The following TBC1D23 variants were observed in gnomAD, a reference collection of about 807,000 sequenced individuals.
TBC1D23 encodes the protein TBC1 domain family member 23, also known as HCV non-structural protein 4A-transactivated protein 1.
In TBC1D23, 55 loss-of-function variants were observed where a neutral mutation model predicts 91.4. The ratio of observed to expected loss-of-function variants is 0.60; its 90% CI spans 0.48 to 0.75. The LOEUF is 0.75. Ranked by LOEUF, TBC1D23 falls within the 30% of genes least tolerant of loss-of-function variation. The probability of loss-of-function intolerance (pLI) is 0.00; values close to 1 mark genes in which losing one functional copy is unlikely to be tolerated. For missense variants in TBC1D23, 725 were observed against 836.1 expected, an observed-to-expected ratio of 0.87 and a Z score of 1.64; for synonymous variants, 289 against 281.0, an observed-to-expected ratio of 1.03 and a Z score of -0.28.
chr3:100,270,228 G>A (rs965947705), intron 1 of TBC1D23, among the ~76,000 whole-genome samples: 2 of 152,126 alleles, frequency 1.3e-5, no homozygotes, highest in East Asian at 1.9e-4. Flanking sequence ...CAATACATAC[G>A]TGTTGAAGGT....
intron 1 of TBC1D23, among the ~76,000 whole-genome samples, chr3:100,272,296 G>T (rs552683226): frequency 6.6e-6 from 1 of 152,274 alleles, no homozygotes; most frequent in Non-Finnish European, 1.5e-5. Flanking sequence ...ATTCTGTAAA[G>T]TATCCTTTCT....
chr3:100,272,942 A>AT (rs1247530866), intron 1 of TBC1D23, among the ~76,000 whole-genome samples: 1 of 152,116 alleles, frequency 6.6e-6, no homozygotes. Flanking sequence ...GAGACATTCC[A>AT]TTGCCCAGGG....
intron 7 of TBC1D23, 88 bp downstream of exon 7, chr3:100,295,436 T>G (rs970270580): frequency 1.8e-6 from 2 of 1,089,970 alleles, no homozygotes; most frequent in Non-Finnish European, 2.6e-6. Context: ...TTTAGGAGAT[T>G]AGTCTAGAAG....
At chr3:100,317,630 G>C (rs1332787619) in intron 16 of TBC1D23, among the ~76,000 whole-genome samples, 6 of 152,100 alleles carry the variant, frequency 3.9e-5, no homozygotes, top group African/African-American at 1.4e-4. Flanking sequence ...TTGCAGAGAG[G>C]TAAATGTGAT....
intron 17 of TBC1D23, among the ~76,000 whole-genome samples, chr3:100,319,794 TAC>T (rs1443209243): frequency 6.6e-6 from 1 of 152,078 alleles, no homozygotes; most frequent in East Asian, 1.9e-4. Flanking sequence ...TATATATATA[TAC>T]ATATGCATGT....
At chr3:100,289,296 T>A (rs2067770097) in intron 4 of TBC1D23, among the ~76,000 whole-genome samples, 1 of 152,166 alleles carries the variant, frequency 6.6e-6, no homozygotes, top group Admixed American at 6.6e-5. Flanking sequence ...ATATCTGGTA[T>A]CTTTTAAGAG....
At chr3:100,311,211 T>C (rs1705619033) in intron 14 of TBC1D23, among the ~76,000 whole-genome samples, 1 of 152,212 alleles carries the variant, frequency 6.6e-6, no homozygotes, top group African/African-American at 2.4e-5. Flanking sequence ...AAGCCTCATA[T>C]TGGAAATGTG....
chr3:100,268,676 T>A (rs1422095039), intron 1 of TBC1D23, among the ~76,000 whole-genome samples: 3 of 152,224 alleles, frequency 2.0e-5, no homozygotes, highest in Non-Finnish European at 4.4e-5. Flanking sequence ...AGGCAAAAGT[T>A]ACACTCTGTT....
intron 4 of TBC1D23, among the ~76,000 whole-genome samples, chr3:100,289,497 A>G (rs2067771782): frequency 1.3e-5 from 2 of 152,154 alleles, no homozygotes; most frequent in African/African-American, 4.8e-5. Flanking sequence ...AGAGGAAGTA[A>G]CTATACTTCC....
intron 13 of TBC1D23, among the ~76,000 whole-genome samples, chr3:100,309,129 G>A (rs968952820): frequency 4.6e-5 from 7 of 152,038 alleles, no homozygotes; most frequent in African/African-American, 1.2e-4. Flanking sequence ...AGCCAAGATC[G>A]CACCACTGCA....
In TBC1D23 at chr3:100,283,623, AGAG is replaced by A. The variant is rs1265143999; in HGVS notation, c.292_294del (p.Glu98del). ...ATTTTCTAGACCAGCTTTCAGTGCC[AGAG>A]GAGAAGGCAGCAGAATTACTTTTGG... is the stretch of plus-strand genomic sequence containing the variant. On this transcript the variant is annotated inframe_deletion, in exon 4 of 19. Coordinates refer to ENST00000394144, the MANE Select transcript of TBC1D23 (RefSeq NM_001199198.3). 1.2e-6 allele frequency: 2 copies of A among 1,613,688 alleles called. No homozygotes were observed. Among genetic ancestry groups the A allele is most frequent in the Non-Finnish European group, 1.7e-6 (2 of 1,179,770 alleles).
At chr3:100,318,044 G>A (rs999436979) in intron 16 of TBC1D23, among the ~76,000 whole-genome samples, 1 of 151,840 alleles carries the variant, frequency 6.6e-6, no homozygotes, top group Admixed American at 6.6e-5. Context: ...AGACATGTAT[G>A]GAACTGATAA....
At chr3:100,267,191 T>C in intron 1 of TBC1D23, 1 of 440,192 alleles carries the variant, frequency 2.3e-6, no homozygotes, top group Non-Finnish European at 4.5e-6. Context: ...ATTAAACAGT[T>C]TGAAAAGGGG....
Position 100,296,172 on chromosome 3 carries a change from A to G in TBC1D23, c.773A>G (p.Lys258Arg). Reference protein sequence around the residue: ...QESDSKEEVIKFLENTPSSLN... With the variant: ...QESDSKEEVIRFLENTPSSLN... ...AAATATTATGTCTATAATATTTCAG[A>G]GTTCTTGGAAAATACTCCATCCAGT... The change falls in exon 8 of 19, where the codon AAG (lysine) becomes AGG (arginine). Residue 258 changes from lysine (K) to arginine (R), a missense_variant and splice_region_variant. Transcript: ENST00000394144. The G allele has an allele frequency of 1.3e-6, 2 of 1,522,684 alleles. No individual in the cohort carries two copies. The highest frequency in any genetic ancestry group is 1.8e-6 in the Non-Finnish European group (2 of 1,117,304). The allele number at this position is 1,522,684 out of a possible 1,614,324, so 94.3% of individuals were successfully genotyped here. A position where few individuals can be genotyped will look rare whatever the true frequency, so the allele number is the denominator to read the frequency against.
At chr3:100,309,716 G>A (rs192227816) in intron 13 of TBC1D23, among the ~76,000 whole-genome samples, 86 of 145,434 alleles carry the variant, frequency 5.9e-4, no homozygotes, top group Non-Finnish European at 1.2e-3. Context: ...GGTTCAAGCA[G>A]TTCTCTGCCA....
At chr3:100,300,558 G>A (rs1475051543) in intron 10 of TBC1D23, among the ~76,000 whole-genome samples, 3 of 144,318 alleles carry the variant, frequency 2.1e-5, no homozygotes, top group Non-Finnish European at 3.0e-5. Context: ...CTGGAGTACA[G>A]TGTTATGATC....
At chr3:100,320,120 C>T (rs906432670) in intron 17 of TBC1D23, among the ~76,000 whole-genome samples, 1 of 152,070 alleles carries the variant, frequency 6.6e-6, no homozygotes, top group African/African-American at 2.4e-5. Flanking sequence ...CTCATCCCCC[C>T]ACCCCCTCGC....
intron 11 of TBC1D23, among the ~76,000 whole-genome samples, chr3:100,302,949 G>A (rs1014403319): frequency 2.6e-5 from 4 of 152,130 alleles, no homozygotes; most frequent in Middle Eastern, 3.2e-3. Context: ...GTAACTATAT[G>A]ATTCATTTTA....
Position 100,323,773 on chromosome 3 carries a change from C to A in TBC1D23, c.*105C>A. The A allele has an allele frequency of 2.4e-6, 1 of 410,778 alleles. No individual in the cohort carries two copies. The highest frequency in any genetic ancestry group is 4.1e-6 in the Non-Finnish European group (1 of 243,804). 25.4% of individuals were successfully genotyped at this position (410,778 alleles called of 1,614,324 possible). A position where few individuals can be genotyped will look rare whatever the true frequency, so the allele number is the denominator to read the frequency against. On this transcript the variant is annotated 3_prime_UTR_variant, in exon 19 of 19. Coordinates refer to ENST00000394144, the MANE Select transcript of TBC1D23 (RefSeq NM_001199198.3). ...GGAGACCTTTCATTTGCTCATGGGG[C>A]TGCTTAAATAGCAGGTCTAAGAAAG... is the stretch of plus-strand genomic sequence containing the variant.
Sources: allele counts gnomAD v4.1 joint callset (sites outside exome capture counted in the v4.1 genomes callset), GRCh38; gene constraint gnomAD v4.1.1; transcripts MANE v1.5; gene names NCBI Gene and HGNC (gene_info 2026-07-23, HGNC 2026-07-21).